PXDNL: variants seen among roughly 807,000 people sequenced by gnomAD.
The protein encoded by PXDNL is probable oxidoreductase PXDNL.
A neutral mutation model predicts 150.8 loss-of-function variants in PXDNL; 145 were observed. The observed-to-expected ratio is 0.96, with a 90% confidence interval of 0.84 to 1.10. The LOEUF (loss-of-function observed/expected upper bound fraction) is 1.10. Among genes scored for constraint, PXDNL ranks in the 50% least tolerant of loss-of-function variants. The pLI is 0.00. For synonymous variants in PXDNL, 757 were observed against 725.7 expected, an observed-to-expected ratio of 1.04 and a Z score of -0.69; for missense variants, 2,087 against 1,873.9, an observed-to-expected ratio of 1.11 and a Z score of -2.10.
At chr8:51,450,023 C>T (rs1242665875) in intron 10 of PXDNL, among the ~76,000 whole-genome samples, 1 of 152,164 alleles carries the variant, frequency 6.6e-6, no homozygotes, top group South Asian at 2.1e-4. Context: ...CGATTATGTG[C>T]TAAACATGGG....
chr8:51,486,842 C>A (rs1810777642), intron 5 of PXDNL, among the ~76,000 whole-genome samples: 1 of 113,494 alleles, frequency 8.8e-6, no homozygotes, highest in Admixed American at 1.3e-4. Context: ...CTCACTCTTG[C>A]CAGGCTGCAG....
intron 8 of PXDNL, among the ~76,000 whole-genome samples, chr8:51,466,224 G>A (rs1317772080): frequency 6.6e-6 from 1 of 152,064 alleles, no homozygotes; most frequent in African/African-American, 2.4e-5. Context: ...GAACAGAATA[G>A]AGAACCCAGA....
intron 1 of PXDNL, among the ~76,000 whole-genome samples, chr8:51,778,515 C>T (rs1040829415): frequency 3.3e-5 from 5 of 152,174 alleles, no homozygotes; most frequent in Non-Finnish European, 5.9e-5. Flanking sequence ...AGAGTGGTTA[C>T]TATGGATCAG....
intron 3 of PXDNL, among the ~76,000 whole-genome samples, chr8:51,584,849 T>C (rs995914805): frequency 3.3e-5 from 5 of 152,180 alleles, no homozygotes; most frequent in African/African-American, 9.7e-5. Flanking sequence ...GTCTTTTTTT[T>C]AGAAAAGATG....
At chr8:51,508,548 C>T (rs1433303886) in intron 4 of PXDNL, among the ~76,000 whole-genome samples, 1 of 152,174 alleles carries the variant, frequency 6.6e-6, no homozygotes, top group Non-Finnish European at 1.5e-5. Context: ...GCCTCCTGCT[C>T]AGGGCCCTTC....
intron 5 of PXDNL, among the ~76,000 whole-genome samples, chr8:51,484,038 A>G (rs1810666324): frequency 6.6e-6 from 1 of 152,256 alleles, no homozygotes; most frequent in Admixed American, 6.5e-5. Flanking sequence ...TAGTCAATGT[A>G]TTCATTATCA....
chr8:51,339,892 T>A lies in PXDNL; in HGVS notation c.4017-139A>T, dbSNP rs1363957619. On this transcript the variant is annotated intron_variant, in intron 20 of 22. Transcript: ENST00000356297. ...GTTCTTTGTGATCTTAAAAGGAAAA[T>A]GGTATGAGTGGAATTCAAAATTAAA... 3 of 708,982 alleles carry A rather than the reference T, an allele frequency of 4.2e-6. No homozygotes were observed. The African/African-American group carries it at 5.5e-5, about 13-fold the overall frequency. 43.9% of individuals were successfully genotyped at this position (708,982 alleles called of 1,614,324 possible).
intron 1 of PXDNL, among the ~76,000 whole-genome samples, chr8:51,703,487 ATTTGTT>A (rs575325836): frequency 5.0e-4 from 76 of 152,192 alleles, no homozygotes; most frequent in African/African-American, 1.7e-3. Context: ...TCAGGATTTG[ATTTGTT>A]TTTGTTTTTG....
chr8:51,629,987 C>T (rs1011970947), intron 2 of PXDNL, among the ~76,000 whole-genome samples: 10 of 151,684 alleles, frequency 6.6e-5, no homozygotes, highest in East Asian at 3.9e-4. Context: ...CAAGGCAATC[C>T]GAAGCAAAAA....
intron 1 of PXDNL, among the ~76,000 whole-genome samples, chr8:51,774,751 G>C (rs1004352211): frequency 2.0e-5 from 3 of 152,166 alleles, no homozygotes; most frequent in African/African-American, 7.2e-5. Context: ...CCAGGAGGCA[G>C]AGCTTGCAGT....
rs574530237 is a variant in PXDNL, at chr8:51,800,375, C to T, written c.164+8806G>A. On this transcript the variant is annotated intron_variant, in intron 1 of 22. Coordinates refer to ENST00000356297, the MANE Select transcript of PXDNL (RefSeq NM_144651.5). ...GTCTCTCAGAAAGACAAGTTAATAACGCTAATTCCACGTGGTATATTCCCT... is the reference window on the plus strand; with the variant it reads ...GTCTCTCAGAAAGACAAGTTAATAATGCTAATTCCACGTGGTATATTCCCT... Among the ~76,000 whole-genome samples, 353 of 152,300 alleles carry T rather than the reference C, an allele frequency of 2.3e-3. 1 individual carries two copies. Among genetic ancestry groups the T allele is most frequent in the African/African-American group, 7.8e-3 (325 of 41,546 alleles).
At chr8:51,750,114 A>T (rs1211055128) in intron 1 of PXDNL, among the ~76,000 whole-genome samples, 1 of 152,174 alleles carries the variant, frequency 6.6e-6, no homozygotes, top group Admixed American at 6.5e-5. Flanking sequence ...CTTGTGTAAC[A>T]CTTAGCTTAA....
At chr8:51,497,616 T>C (rs376341233) in intron 5 of PXDNL, among the ~76,000 whole-genome samples, 48,598 of 151,734 alleles carry the variant, frequency 0.32, 8,633 homozygotes, top group African/African-American at 0.47. Context: ...AAAAAGTGGG[T>C]GAAGGACACG....
At chr8:51,380,639 C>G (rs1456239484) in intron 17 of PXDNL, among the ~76,000 whole-genome samples, 1 of 152,110 alleles carries the variant, frequency 6.6e-6, no homozygotes, top group African/African-American at 2.4e-5. Context: ...TTTATCCTTT[C>G]TGATCTTTAT....
chr8:51,604,012 A>T (rs1414687117), intron 2 of PXDNL, among the ~76,000 whole-genome samples: 1 of 152,138 alleles, frequency 6.6e-6, no homozygotes, highest in East Asian at 1.9e-4. Flanking sequence ...ATTTTTCATA[A>T]TACTGTCAAC....
chr8:51,566,333 C>T (rs1187198641), intron 3 of PXDNL, among the ~76,000 whole-genome samples: 1 of 151,668 alleles, frequency 6.6e-6, no homozygotes, highest in Non-Finnish European at 1.5e-5. Context: ...CCCTCTGTTT[C>T]TGTTTTTCTG....
intron 1 of PXDNL, among the ~76,000 whole-genome samples, chr8:51,798,804 C>G (rs1348790812): frequency 2.0e-5 from 3 of 152,118 alleles, no homozygotes; most frequent in African/African-American, 7.2e-5. Context: ...ACCAGAAATA[C>G]CATTTGACCC....
At chr8:51,515,108 G>A (rs547103192) in intron 4 of PXDNL, among the ~76,000 whole-genome samples, 42 of 152,302 alleles carry the variant, frequency 2.8e-4, no homozygotes, top group Admixed American at 3.9e-4. Flanking sequence ...TTACAGGGGC[G>A]TGAGAACCTC....
chr8:51,634,700 G>A (rs983965880), intron 2 of PXDNL, among the ~76,000 whole-genome samples: 4 of 152,022 alleles, frequency 2.6e-5, no homozygotes, highest in East Asian at 1.9e-4. Flanking sequence ...TCACCTCTTT[G>A]GTTAGATGTA....
Sources: allele counts gnomAD v4.1 joint callset (sites outside exome capture counted in the v4.1 genomes callset), GRCh38; gene constraint gnomAD v4.1.1; transcripts MANE v1.5; gene names NCBI Gene and HGNC (gene_info 2026-07-23, HGNC 2026-07-21).